DPP10: variants seen among roughly 807,000 people sequenced by gnomAD.
DPP10 encodes the protein inactive dipeptidyl peptidase 10.
A neutral mutation model predicts 120.9 loss-of-function variants in DPP10; 33 were observed. That is an observed-to-expected ratio of 0.27 (90% confidence interval 0.21 to 0.37). The LOEUF is 0.37. Ranked by LOEUF, DPP10 falls within the 10% of genes least tolerant of loss-of-function variation. The probability of loss-of-function intolerance (pLI) is 1.00; values close to 1 mark genes in which losing one functional copy is unlikely to be tolerated. For synonymous variants in DPP10, 337 were observed against 326.1 expected, an observed-to-expected ratio of 1.03 and a Z score of -0.36; for missense variants, 816 against 942.8, an observed-to-expected ratio of 0.87 and a Z score of 1.76.
At chr2:115,140,689 C>T (rs2050881736) in intron 1 of DPP10, among the ~76,000 whole-genome samples, 2 of 152,162 alleles carry the variant, frequency 1.3e-5, no homozygotes, top group South Asian at 4.1e-4. Context: ...TGATGTGAGT[C>T]AATGGGATTT....
chr2:114,502,515 C>A (rs1266323949), intron 1 of DPP10, among the ~76,000 whole-genome samples: 1 of 152,110 alleles, frequency 6.6e-6, no homozygotes, highest in Admixed American at 6.5e-5. Flanking sequence ...TTAAGAGATT[C>A]CAAAACAGTC....
chr2:115,559,347 T>C (rs1187219416), intron 5 of DPP10, among the ~76,000 whole-genome samples: 1 of 152,176 alleles, frequency 6.6e-6, no homozygotes, highest in Admixed American at 6.5e-5. Flanking sequence ...AGTAGAACAC[T>C]TTTAAAGTGG....
At chr2:114,589,990 T>TA (rs926555801) in intron 1 of DPP10, among the ~76,000 whole-genome samples, 10 of 151,950 alleles carry the variant, frequency 6.6e-5, no homozygotes, top group African/African-American at 2.2e-4. Flanking sequence ...CCTAATTCTT[T>TA]AAAAAAAACT....
intron 3 of DPP10, among the ~76,000 whole-genome samples, chr2:115,357,365 C>T (rs1398782065): frequency 6.6e-6 from 1 of 152,202 alleles, no homozygotes; most frequent in Non-Finnish European, 1.5e-5. Context: ...CTACAGGCCC[C>T]ATACAAGTCC....
intron 1 of DPP10, among the ~76,000 whole-genome samples, chr2:114,504,678 G>A (rs1012242293): frequency 6.6e-6 from 1 of 152,168 alleles, no homozygotes; most frequent in African/African-American, 2.4e-5. Context: ...TCATGTATAT[G>A]TTGTTAAATG....
intron 1 of DPP10, among the ~76,000 whole-genome samples, chr2:114,854,065 T>C (rs1179624048): frequency 6.6e-6 from 1 of 152,192 alleles, no homozygotes; most frequent in East Asian, 1.9e-4. Context: ...TTGGGATAAT[T>C]TGTTATGCAT....
At chr2:115,077,252 T>C (rs1282115253) in intron 1 of DPP10, among the ~76,000 whole-genome samples, 2 of 152,194 alleles carry the variant, frequency 1.3e-5, no homozygotes, top group African/African-American at 4.8e-5. Flanking sequence ...ATCTGTCTTA[T>C]TCATTCATTA....
intron 1 of DPP10, among the ~76,000 whole-genome samples, chr2:114,531,273 A>T (rs1343535852): frequency 6.6e-6 from 1 of 152,120 alleles, no homozygotes; most frequent in African/African-American, 2.4e-5. Flanking sequence ...ATAGGACTTG[A>T]GTCACTCATA....
chr2:114,927,101 A>G lies in DPP10; in HGVS notation c.61-382138A>G, dbSNP rs13397775. ...CCTGACCTCATGATCCACCCACCTC[A>G]GCCTCCAAAAGTGCTGGGATTACAG... On this transcript the variant is annotated intron_variant, in intron 1 of 25. Transcript: ENST00000410059. 4.1e-3 allele frequency among the ~76,000 whole-genome samples: 616 copies of G among 152,074 alleles called. 1 individual carries two copies. The highest frequency in any genetic ancestry group is 0.015 in the African/African-American group (603 of 41,508).
chr2:115,290,396 A>G (rs932551146), intron 1 of DPP10, among the ~76,000 whole-genome samples: 1 of 152,144 alleles, frequency 6.6e-6, no homozygotes, highest in Non-Finnish European at 1.5e-5. Flanking sequence ...AGAGGTATAC[A>G]TATGTGGATA....
intron 3 of DPP10, among the ~76,000 whole-genome samples, chr2:115,375,394 C>T (rs1012934030): frequency 8.5e-5 from 13 of 152,158 alleles, no homozygotes; most frequent in Non-Finnish European, 1.5e-4. Flanking sequence ...ATGACCTCAG[C>T]CTGGAATTCA....
intron 1 of DPP10, among the ~76,000 whole-genome samples, chr2:114,793,767 T>A (rs1323623772): frequency 6.6e-6 from 1 of 152,166 alleles, no homozygotes; most frequent in Non-Finnish European, 1.5e-5. Context: ...GGAGACTTCC[T>A]CTATCCATTT....
chr2:115,384,681 G>GAAGA (rs1354565741), intron 3 of DPP10, among the ~76,000 whole-genome samples: 7 of 146,576 alleles, frequency 4.8e-5, no homozygotes, highest in Non-Finnish European at 1.0e-4. Context: ...GGAAGAAGAA[G>GAAGA]AGGAAGAAGA....
intron 1 of DPP10, among the ~76,000 whole-genome samples, chr2:114,522,780 G>A (rs558427932): frequency 6.6e-6 from 1 of 152,122 alleles, no homozygotes; most frequent in Non-Finnish European, 1.5e-5. Context: ...TCACAATCAC[G>A]GCAGAAGGCA....
intron 1 of DPP10, among the ~76,000 whole-genome samples, chr2:115,056,432 G>A (rs1000366579): frequency 6.6e-6 from 1 of 152,074 alleles, no homozygotes; most frequent in Admixed American, 6.6e-5. Flanking sequence ...AGGCTGGAGT[G>A]CAATGGCACC....
At chr2:114,733,305 C>T (rs1677097338) in intron 1 of DPP10, among the ~76,000 whole-genome samples, 1 of 152,162 alleles carries the variant, frequency 6.6e-6, no homozygotes, top group Non-Finnish European at 1.5e-5. Flanking sequence ...CACCATGCTA[C>T]TCCATCCCTC....
chr2:115,246,033 C>T (rs1428137259), intron 1 of DPP10, among the ~76,000 whole-genome samples: 4 of 151,912 alleles, frequency 2.6e-5, no homozygotes, highest in Non-Finnish European at 5.9e-5. Flanking sequence ...TATCCGGATA[C>T]TGAATACAGA....
At chr2:114,750,649 C>T (rs140113511) in intron 1 of DPP10, among the ~76,000 whole-genome samples, 1,939 of 152,280 alleles carry the variant, frequency 0.013, 24 homozygotes, top group Non-Finnish European at 0.019. Flanking sequence ...ATACTTTTAA[C>T]ACTTCCTCAA....
intron 1 of DPP10, among the ~76,000 whole-genome samples, chr2:115,133,451 C>A (rs2050487105): frequency 6.6e-6 from 1 of 152,098 alleles, no homozygotes; most frequent in South Asian, 2.1e-4. Context: ...TAAGTTTTCT[C>A]ATTTAATGTT....
Sources: allele counts gnomAD v4.1 joint callset (sites outside exome capture counted in the v4.1 genomes callset), GRCh38; gene constraint gnomAD v4.1.1; transcripts MANE v1.5; gene names NCBI Gene and HGNC (gene_info 2026-07-23, HGNC 2026-07-21).